Variants in GALNTL6 observed in about 807,000 individuals in gnomAD.
The protein encoded by GALNTL6 is polypeptide N-acetylgalactosaminyltransferase-like 6.
In GALNTL6, 46 loss-of-function variants were observed where a neutral mutation model predicts 73.7. The ratio of observed to expected loss-of-function variants is 0.62; its 90% confidence interval spans 0.49 to 0.80. The LOEUF (loss-of-function observed/expected upper bound fraction) is 0.80, where lower values mean the gene tolerates loss of function less well. GALNTL6 is among the 30% of genes least tolerant of loss of function. The pLI, the probability that GALNTL6 is intolerant of heterozygous loss-of-function variation, is 0.00. For missense variants in GALNTL6, 604 were observed against 755.0 expected, an observed-to-expected ratio of 0.80 and a Z score of 2.34; for synonymous variants, 259 against 263.7, an observed-to-expected ratio of 0.98 and a Z score of 0.17.
At chr4:172,908,815 GA>G (rs957487523) in intron 8 of GALNTL6, among the ~76,000 whole-genome samples, 4 of 151,308 alleles carry the variant, frequency 2.6e-5, no homozygotes, top group Non-Finnish European at 5.9e-5. Context: ...AAAAAGACTT[GA>G]AAAAAATAAA....
At chr4:171,818,575 TAA>T (rs370223311) in intron 2 of GALNTL6, among the ~76,000 whole-genome samples, 71 of 132,418 alleles carry the variant, frequency 5.4e-4, no homozygotes, top group African/African-American at 8.7e-4. Context: ...TCTACCACAT[TAA>T]AAAAAAAAAA....
rs147968304 is a variant in GALNTL6 at position 172,903,161 on chromosome 4, T to C, written c.1041+20254T>C. Among the ~76,000 whole-genome samples, 49 of 148,356 alleles carry C rather than the reference T, an allele frequency of 3.3e-4. 1 individual carries two copies. The highest frequency in any genetic ancestry group is 1.2e-3 in the African/African-American group (44 of 37,950). ...AGTTCACACAAATCAAATTAACATATTGAATCATAAACCATGAAACTTTCT... is the reference window on the plus strand; with the variant it reads ...AGTTCACACAAATCAAATTAACATACTGAATCATAAACCATGAAACTTTCT... On this transcript the variant is annotated intron_variant, in intron 8 of 12. Coordinates refer to ENST00000506823, the MANE Select transcript of GALNTL6 (RefSeq NM_001034845.3).
chr4:172,694,535 C>T (rs1733563485), intron 5 of GALNTL6, among the ~76,000 whole-genome samples: 2 of 152,256 alleles, frequency 1.3e-5, no homozygotes, highest in South Asian at 2.1e-4. Flanking sequence ...TGTCTTTATG[C>T]AGTCTATCAT....
intron 5 of GALNTL6, among the ~76,000 whole-genome samples, chr4:172,808,565 C>T (rs757707088): frequency 2.8e-4 from 43 of 152,090 alleles, no homozygotes; most frequent in Admixed American, 2.0e-4. Flanking sequence ...TATATAAGTA[C>T]ATAACCCCGG....
intron 5 of GALNTL6, among the ~76,000 whole-genome samples, chr4:172,574,963 C>G (rs1736906573): frequency 6.9e-6 from 1 of 144,634 alleles, no homozygotes; most frequent in African/African-American, 2.5e-5. Context: ...CACACACACA[C>G]ACGATTAGAA....
At chr4:172,995,780 G>T (rs1210207569) in intron 10 of GALNTL6, among the ~76,000 whole-genome samples, 1 of 152,130 alleles carries the variant, frequency 6.6e-6, no homozygotes, top group Non-Finnish European at 1.5e-5. Flanking sequence ...CTGCTTTCAT[G>T]TTTCTGACAT....
At chr4:172,229,888 A>T (rs548840161) in intron 3 of GALNTL6, 124 bp downstream of exon 3, 2 of 626,720 alleles carry the variant, frequency 3.2e-6, no homozygotes, top group Non-Finnish European at 5.6e-6. Context: ...GGGATATTGG[A>T]GGTGATACTG....
At chr4:172,117,030 G>A (rs1733002243) in intron 2 of GALNTL6, among the ~76,000 whole-genome samples, 1 of 152,118 alleles carries the variant, frequency 6.6e-6, no homozygotes, top group South Asian at 2.1e-4. Context: ...TAGTTTATTT[G>A]TTCTAGCAAA....
At chr4:172,137,542 T>C (rs529299933) in intron 2 of GALNTL6, among the ~76,000 whole-genome samples, 33 of 152,052 alleles carry the variant, frequency 2.2e-4, no homozygotes, top group African/African-American at 4.3e-4. Flanking sequence ...AAGAGTAAAA[T>C]CCATGACCTG....
chr4:172,540,743 G>T (rs1735522897), intron 5 of GALNTL6, among the ~76,000 whole-genome samples: 1 of 152,176 alleles, frequency 6.6e-6, no homozygotes, highest in South Asian at 2.1e-4. Flanking sequence ...TTGAAAATTG[G>T]TTGGGAGAGT....
chr4:172,609,631 G>C (rs1388079610), intron 5 of GALNTL6, among the ~76,000 whole-genome samples: 20 of 141,432 alleles, frequency 1.4e-4, no homozygotes, highest in Non-Finnish European at 1.7e-4. Flanking sequence ...CTCTCTGTGT[G>C]TGTGTGTGTG....
At chr4:172,329,710 C>T (rs1741061147) in intron 4 of GALNTL6, among the ~76,000 whole-genome samples, 2 of 152,112 alleles carry the variant, frequency 1.3e-5, no homozygotes, top group African/African-American at 2.4e-5. Flanking sequence ...CACCTCAGAC[C>T]CCCTAGAGCC....
At chr4:172,734,902 C>T (rs554985373) in intron 5 of GALNTL6, among the ~76,000 whole-genome samples, 28 of 152,174 alleles carry the variant, frequency 1.8e-4, no homozygotes, top group Admixed American at 7.2e-4. Flanking sequence ...TGGCAGCTTC[C>T]GCATGGTGTT....
At chr4:172,116,199 T>TA (rs1032550385) in intron 2 of GALNTL6, among the ~76,000 whole-genome samples, 5 of 152,010 alleles carry the variant, frequency 3.3e-5, no homozygotes, top group East Asian at 1.9e-4. Flanking sequence ...AATTTTTAGG[T>TA]AAAAAAATGC....
intron 5 of GALNTL6, among the ~76,000 whole-genome samples, chr4:172,776,319 T>C (rs1172597014): frequency 4.6e-5 from 7 of 152,142 alleles, no homozygotes; most frequent in East Asian, 1.9e-4. Context: ...ATCTGTACTG[T>C]GAAATAACCA....
At chr4:172,653,074 C>T (rs548650114) in intron 5 of GALNTL6, among the ~76,000 whole-genome samples, 1 of 152,030 alleles carries the variant, frequency 6.6e-6, no homozygotes, top group Non-Finnish European at 1.5e-5. Flanking sequence ...ATGTGCTTTT[C>T]CACCAGATCC....
chr4:172,833,388 G>A lies in GALNTL6; in HGVS notation c.923+19665G>A, dbSNP rs541090496. ...GATGCCAAAGAGCCCTTAAGTTGAA[G>A]AAAAACTGGGGAAGGCATCTTTTCT... is the stretch of plus-strand genomic sequence containing the variant. On this transcript the variant is annotated intron_variant, in intron 7 of 12. Transcript: ENST00000506823. Among the ~76,000 whole-genome samples the A allele has an allele frequency of 2.0e-5, 3 of 152,252 alleles. No individual in the cohort carries two copies. In the South Asian group the frequency reaches 6.2e-4, roughly 32 times the overall value.
chr4:171,917,345 C>T (rs1400870210), intron 2 of GALNTL6, among the ~76,000 whole-genome samples: 1 of 151,924 alleles, frequency 6.6e-6, no homozygotes, highest in Non-Finnish European at 1.5e-5. Context: ...AAATATTCTG[C>T]TAATTTGCCA....
intron 5 of GALNTL6, among the ~76,000 whole-genome samples, chr4:172,558,731 A>G (rs1479441097): frequency 6.6e-6 from 1 of 152,200 alleles, no homozygotes; most frequent in Non-Finnish European, 1.5e-5. Flanking sequence ...CAAGCTCCAT[A>G]TACAAGATTG....
Sources: allele counts gnomAD v4.1 joint callset (sites outside exome capture counted in the v4.1 genomes callset), GRCh38; gene constraint gnomAD v4.1.1; transcripts MANE v1.5; gene names NCBI Gene and HGNC (gene_info 2026-07-23, HGNC 2026-07-21).